CHPT1: variants seen among roughly 807,000 people sequenced by gnomAD.
CHPT1 encodes choline phosphotransferase 1.
Under a neutral mutation model 47.6 loss-of-function variants are expected in CHPT1, and 36 were observed. The observed-to-expected ratio is 0.76, with a 90% confidence interval of 0.58 to 1.00. The LOEUF (loss-of-function observed/expected upper bound fraction) is 1.00. Ranked by LOEUF, CHPT1 falls within the 50% of genes least tolerant of loss-of-function variation. The pLI, the probability that CHPT1 is intolerant of heterozygous loss-of-function variation, is 0.00. For missense variants in CHPT1, 458 were observed against 498.1 expected (o/e 0.92, Z 0.77); for synonymous variants, 194 against 186.3 (o/e 1.04, Z -0.33).
At chr12:101,714,338 T>C in intron 2 of CHPT1, 101 bp downstream of exon 2, 1 of 1,193,868 alleles carries the variant, frequency 8.4e-7, no homozygotes, top group East Asian at 2.4e-5. Flanking sequence ...TGGGAGCAAA[T>C]GTATGGAGTT....
intron 8 of CHPT1, chr12:101,726,848 C>A: frequency 5.8e-6 from 1 of 171,850 alleles, no homozygotes; most frequent in Non-Finnish European, 1.2e-5. Context: ...TGCTTAAGTG[C>A]ATGGCTTATA....
chr12:101,723,996 C>A, intron 7 of CHPT1, 149 bp downstream of exon 7: 1 of 565,076 alleles, frequency 1.8e-6, no homozygotes. Flanking sequence ...GTGGACGGAT[C>A]ATTTGAGGTC....
In CHPT1 at chr12:101,711,461, G is replaced by A. The variant is rs560126963; in HGVS notation, c.274-2629G>A. ...AAATATGGTATGATCTTGATCTCGC[G>A]TATACACAGAATCTGAAAAAAAAAT... is the stretch of plus-strand genomic sequence containing the variant. On this transcript the variant is annotated intron_variant, in intron 1 of 8. Coordinates refer to ENST00000229266, the MANE Select transcript of CHPT1 (RefSeq NM_020244.3). Among the ~76,000 whole-genome samples, 16 of 147,850 alleles carry A rather than the reference G, an allele frequency of 1.1e-4. 2 individuals are homozygous for A. Among genetic ancestry groups the A allele is most frequent in the African/African-American group, 3.9e-4 (16 of 41,050 alleles).
At chr12:101,721,965 A>G (rs1951857847) in intron 5 of CHPT1, among the ~76,000 whole-genome samples, 1 of 152,048 alleles carries the variant, frequency 6.6e-6, no homozygotes, top group Admixed American at 6.6e-5. Context: ...AGGCTGAGGC[A>G]GGAAAATCGA....
chr12:101,714,169 C>A lies in CHPT1; in HGVS notation c.353C>A (p.Ala118Asp). 6.2e-7 allele frequency: 1 copy of A among 1,612,586 alleles called. No homozygotes were observed. The highest frequency in any genetic ancestry group is 8.5e-7 in the Non-Finnish European group (1 of 1,178,810). Residue 118 changes from alanine to aspartate, a missense_variant, in exon 2 of 9, where the codon GCC (alanine) becomes GAC (aspartate). Transcript: ENST00000229266. Reference sequence around the variant, plus strand: ...CTGGATGCTATTGATGGGAAACAAGCCAGAAGAACAAACTCTTGTTCCCCT... The same window carrying A: ...CTGGATGCTATTGATGGGAAACAAGACAGAAGAACAAACTCTTGTTCCCCT... ...QSLDAIDGKQ[A>D]RRTNSCSPLG...
At position 101,697,767 on chromosome 12, in the gene CHPT1, A is replaced by T; in HGVS notation, c.-95A>T. 2.9e-6 allele frequency: 1 copy of T among 350,598 alleles called. No homozygotes were observed. The highest frequency in any genetic ancestry group is 4.1e-6 in the Non-Finnish European group (1 of 244,684). 21.7% of individuals were successfully genotyped at this position (350,598 alleles called of 1,614,324 possible). A position where few individuals can be genotyped will look rare whatever the true frequency, so the allele number is the denominator to read the frequency against. On this transcript the variant is annotated 5_prime_UTR_variant, in exon 1 of 9. Transcript: ENST00000229266. ...CCGGTGAGTCCAGCCCGGCAGTCGCAGGACCCGGCCGCCAGCCTCTCCCTC... is the reference window on the plus strand; with the variant it reads ...CCGGTGAGTCCAGCCCGGCAGTCGCTGGACCCGGCCGCCAGCCTCTCCCTC...
chr12:101,720,262 A>T lies in CHPT1; in HGVS notation c.780+8A>T, dbSNP rs1382191777. On this transcript the variant is annotated splice_region_variant and intron_variant, in intron 5 of 8. Transcript: ENST00000229266. ...AATGGATCCACTATAGCAGTAAGGC[A>T]ATAATTTCATCATTCAGTGTCAATT... 6.3e-7 allele frequency: 1 copy of T among 1,585,842 alleles called. No individual in the cohort carries two copies. The highest frequency in any genetic ancestry group is 8.6e-7 in the Non-Finnish European group (1 of 1,168,624).
At chr12:101,704,404 C>CT (rs762770896) in intron 1 of CHPT1, among the ~76,000 whole-genome samples, 35,105 of 140,014 alleles carry the variant, frequency 0.25, 4,606 homozygotes, top group East Asian at 0.33. Context: ...TGCTATTTTT[C>CT]TTTTTTTTTT....
In CHPT1 at chr12:101,709,997, A is replaced by C. The variant is rs1248723261; in HGVS notation, c.274-4093A>C. ...TCATCTTTAATAAAAAGAATATGAT[A>C]ATAACTGCCCTATCTCTGTGGATTT... On this transcript the variant is annotated intron_variant, in intron 1 of 8. Transcript: ENST00000229266. 2.0e-5 allele frequency among the ~76,000 whole-genome samples: 3 copies of C among 149,128 alleles called. 1 individual carries two copies. The highest frequency in any genetic ancestry group is 4.5e-5 in the Non-Finnish European group (3 of 66,618).
chr12:101,708,306 A>G lies in CHPT1; in HGVS notation c.274-5784A>G, dbSNP rs553116955. On this transcript the variant is annotated intron_variant, in intron 1 of 8. Transcript: ENST00000229266. Reference sequence around the variant, plus strand: ...TTATACAGCTCTTTTTCAGTGTATAATTGAAAAACAATTTAAATTTTAATC... The same window carrying G: ...TTATACAGCTCTTTTTCAGTGTATAGTTGAAAAACAATTTAAATTTTAATC... 3.9e-5 allele frequency among the ~76,000 whole-genome samples: 6 copies of G among 152,306 alleles called. No individual in the cohort carries two copies. The South Asian group carries it at 1.2e-3, about 32-fold the overall frequency.
chr12:101,724,955 G>T (rs1374056772), intron 7 of CHPT1, among the ~76,000 whole-genome samples: 1 of 151,918 alleles, frequency 6.6e-6, no homozygotes, highest in Non-Finnish European at 1.5e-5. Flanking sequence ...TAGTTTTCTT[G>T]TATTTCTATC....
At chr12:101,709,509 A>G (rs1283836774) in intron 1 of CHPT1, among the ~76,000 whole-genome samples, 1 of 148,588 alleles carries the variant, frequency 6.7e-6, no homozygotes, top group Admixed American at 6.9e-5. Flanking sequence ...TGCAGGGATA[A>G]CAAGTTAGAA....
rs371859199 is a variant in CHPT1, at chr12:101,697,689, C to T, written c.-173C>T. The T allele has an allele frequency of 1.6e-4, 27 of 169,528 alleles. No individual in the cohort carries two copies. Among genetic ancestry groups the T allele is most frequent in the Admixed American group, 5.1e-4 (8 of 15,776 alleles). The allele number at this position is 169,528 out of a possible 1,614,324, so 10.5% of individuals were successfully genotyped here. On this transcript the variant is annotated 5_prime_UTR_variant, in exon 1 of 9. Coordinates refer to ENST00000229266, the MANE Select transcript of CHPT1 (RefSeq NM_020244.3). ...GGCCCCACAGCTTCTGGGGCTGGGG[C>T]CCCGGCAGCCGGGCAGGCCGGCCTG...
rs769994557 is a variant in CHPT1, at chr12:101,728,953, T to A, written c.*8T>A. 6.2e-7 allele frequency: 1 copy of A among 1,613,574 alleles called. No homozygotes were observed. Among genetic ancestry groups the A allele is most frequent in the South Asian group, 1.1e-5 (1 of 91,068 alleles). On this transcript the variant is annotated 3_prime_UTR_variant, in exon 9 of 9. Transcript: ENST00000229266. ...CAGAATAACATGGATTGAAGAGACTTCCGAACACTTGCTATCTCTTGCTGC... is the reference window on the plus strand; with the variant it reads ...CAGAATAACATGGATTGAAGAGACTACCGAACACTTGCTATCTCTTGCTGC...
At chr12:101,704,344 A>C (rs1951599304) in intron 1 of CHPT1, among the ~76,000 whole-genome samples, 1 of 151,856 alleles carries the variant, frequency 6.6e-6, no homozygotes, top group Non-Finnish European at 1.5e-5. Flanking sequence ...CTCTTTTAAA[A>C]ACTTAGACTC....
chr12:101,706,343 C>T (rs1951631436), intron 1 of CHPT1, among the ~76,000 whole-genome samples: 1 of 144,502 alleles, frequency 6.9e-6, no homozygotes, highest in South Asian at 2.2e-4. Flanking sequence ...GAGTGAGACT[C>T]TGTCTCAAGA....
chr12:101,721,916 G>A (rs1384148923), intron 5 of CHPT1, among the ~76,000 whole-genome samples: 1 of 152,008 alleles, frequency 6.6e-6, no homozygotes, highest in Non-Finnish European at 1.5e-5. Flanking sequence ...AAAATTAGCT[G>A]GGCTTAGTGG....
chr12:101,713,297 T>TTTATTTA (rs1951719678), intron 1 of CHPT1, among the ~76,000 whole-genome samples: 2 of 123,612 alleles, frequency 1.6e-5, no homozygotes, highest in Non-Finnish European at 1.9e-5. Context: ...GTTAGTTTCA[T>TTTATTTA]CTCATTCAGG....
chr12:101,705,832 C>G (rs1034317606), intron 1 of CHPT1, among the ~76,000 whole-genome samples: 4 of 145,618 alleles, frequency 2.7e-5, no homozygotes, highest in African/African-American at 1.0e-4. Flanking sequence ...CTCAAGTGAT[C>G]CTCCCCCCTC....
Sources: gnomAD v4.1 joint callset for allele counts (sites outside exome capture counted in the v4.1 genomes callset) on GRCh38, gnomAD v4.1.1 for gene constraint, MANE v1.5 for transcripts, NCBI Gene and HGNC (gene_info 2026-07-23, HGNC 2026-07-21) for gene names.